NPHP1: variants seen among roughly 807,000 people sequenced by gnomAD.
NPHP1 encodes nephrocystin 1.
A neutral mutation model predicts 90.4 loss-of-function variants in NPHP1; 70 were observed. That is an observed-to-expected ratio of 0.77 (90% CI 0.64 to 0.95). NPHP1 has a LOEUF of 0.95. NPHP1 is among the 40% of genes least tolerant of loss of function. The probability of loss-of-function intolerance (pLI) is 0.00; values close to 1 mark genes in which losing one functional copy is unlikely to be tolerated. For synonymous variants in NPHP1, 256 were observed against 271.7 expected, an observed-to-expected ratio of 0.94 and a Z score of 0.57; for missense variants, 764 against 795.9, an observed-to-expected ratio of 0.96 and a Z score of 0.48.
chr2:110,196,635 C>T (rs1170375166), intron 2 of NPHP1, among the ~76,000 whole-genome samples: 1 of 152,098 alleles, frequency 6.6e-6, no homozygotes, highest in Non-Finnish European at 1.5e-5. Flanking sequence ...ACCATTTGAC[C>T]CAACTGTCCC....
At chr2:110,179,024 C>T (rs1292715690) in intron 3 of NPHP1, 2 of 158,518 alleles carry the variant, frequency 1.3e-5, no homozygotes, top group African/African-American at 4.8e-5. Flanking sequence ...CTTCAGTGAC[C>T]ACATATCTCA....
chr2:110,148,687 T>G (rs776331251), intron 12 of NPHP1, among the ~76,000 whole-genome samples: 9 of 152,166 alleles, frequency 5.9e-5, no homozygotes, highest in Non-Finnish European at 8.8e-5. Context: ...GTACTGTGCC[T>G]AGGTCTCCAG....
At chr2:110,188,415 C>G (rs1374330623) in intron 2 of NPHP1, among the ~76,000 whole-genome samples, 1 of 151,956 alleles carries the variant, frequency 6.6e-6, no homozygotes, top group African/African-American at 2.4e-5. Flanking sequence ...TTCACAACTG[C>G]TACAAAAAGA....
At chr2:110,136,740 T>C (rs1680230213) in intron 16 of NPHP1, among the ~76,000 whole-genome samples, 2 of 152,102 alleles carry the variant, frequency 1.3e-5, no homozygotes, top group Admixed American at 6.6e-5. Context: ...TGAAAATGGC[T>C]ATACCGCCCA....
rs1023737876 is a variant in NPHP1, at chr2:110,124,078, C to T, written c.1762-15G>A. 1.9e-6 allele frequency: 3 copies of T among 1,613,338 alleles called. No homozygotes were observed. The highest frequency in any genetic ancestry group is 2.7e-5 in the African/African-American group (2 of 74,900). Reference sequence around the variant, plus strand: ...TCTTTGTCTCTCTGGGAAAACACCACCCCCACAAATAACATTGTTATTTTT... The same window carrying T: ...TCTTTGTCTCTCTGGGAAAACACCATCCCCACAAATAACATTGTTATTTTT... On this transcript the variant is annotated splice_polypyrimidine_tract_variant and intron_variant, in intron 19 of 19. Coordinates refer to ENST00000445609, the MANE Select transcript of NPHP1 (RefSeq NM_001128178.3).
chr2:110,152,270 A>G (rs2104513221), intron 11 of NPHP1, among the ~76,000 whole-genome samples: 1 of 151,842 alleles, frequency 6.6e-6, no homozygotes, highest in South Asian at 2.1e-4. Flanking sequence ...CTTGGGCAGC[A>G]TAGTGAAACC....
chr2:110,196,695 C>G (rs1164439217), intron 2 of NPHP1, among the ~76,000 whole-genome samples: 1 of 152,088 alleles, frequency 6.6e-6, no homozygotes, highest in Non-Finnish European at 1.5e-5. Context: ...CTATAAAGAC[C>G]CATGCACACA....
chr2:110,148,815 G>C (rs1196491469), intron 12 of NPHP1, among the ~76,000 whole-genome samples: 3 of 152,132 alleles, frequency 2.0e-5, no homozygotes, highest in Non-Finnish European at 4.4e-5. Context: ...TTCCTAATGT[G>C]TGCCTTGTGA....
intron 2 of NPHP1, among the ~76,000 whole-genome samples, chr2:110,183,071 G>T (rs943035917): frequency 6.6e-6 from 1 of 152,126 alleles, no homozygotes; most frequent in African/African-American, 2.4e-5. Flanking sequence ...AATGGTAAAA[G>T]GTTCAATTCA....
rs193215998 is a variant in NPHP1, at chr2:110,193,126, A to G, written c.143+8295T>C. Reference sequence around the variant, plus strand: ...ATGAGCAAAATAACCAGCTAACATCATAATGACAGGATCAAATTCACACAT... The same window carrying G: ...ATGAGCAAAATAACCAGCTAACATCGTAATGACAGGATCAAATTCACACAT... On this transcript the variant is annotated intron_variant, in intron 2 of 19. Transcript: ENST00000445609. Among the ~76,000 whole-genome samples, 197 of 152,346 alleles carry G rather than the reference A, an allele frequency of 1.3e-3. 1 individual carries two copies. The highest frequency in any genetic ancestry group is 4.4e-3 in the South Asian group (21 of 4,826).
At chr2:110,169,594 A>T (rs1399269825) in intron 5 of NPHP1, among the ~76,000 whole-genome samples, 2 of 152,166 alleles carry the variant, frequency 1.3e-5, no homozygotes, top group Non-Finnish European at 2.9e-5. Context: ...TCTCAACATT[A>T]AAGCTACTTT....
chr2:110,188,224 T>C (rs962471470), intron 2 of NPHP1, among the ~76,000 whole-genome samples: 7 of 152,122 alleles, frequency 4.6e-5, no homozygotes, highest in African/African-American at 1.4e-4. Context: ...GGAACTCAAA[T>C]TATCCCTGTT....
rs781765193 is a variant in NPHP1 at position 110,165,179 on chromosome 2, G to A, written c.625-24C>T. ...GGCTAAAAAACCATTGAAATGTGAA[G>A]TGCTTTTTAACTAATGCAAAAAACA... On this transcript the variant is annotated intron_variant, in intron 6 of 19. Transcript: ENST00000445609. 1.8e-5 allele frequency: 28 copies of A among 1,575,970 alleles called. No homozygotes were observed. In the South Asian group the frequency reaches 2.3e-4, roughly 13 times the overall value.
At chr2:110,168,813 A>G (rs901970292) in intron 5 of NPHP1, among the ~76,000 whole-genome samples, 4 of 152,146 alleles carry the variant, frequency 2.6e-5, no homozygotes, top group African/African-American at 9.7e-5. Context: ...ATTTATGCAA[A>G]TGGGAACCAT....
intron 18 of NPHP1, chr2:110,128,687 T>C (rs999484409): frequency 2.4e-5 from 4 of 169,810 alleles, no homozygotes; most frequent in Admixed American, 5.7e-5. Flanking sequence ...GCAGCTCTTC[T>C]ACTTATTGAC....
At chr2:110,125,502 A>G in intron 19 of NPHP1, 135 bp downstream of exon 19, 1 of 1,149,358 alleles carries the variant, frequency 8.7e-7, no homozygotes, top group South Asian at 1.2e-5. Flanking sequence ...TTTTGCAGCC[A>G]TAATGAAACA....
At chr2:110,203,813 T>C (rs1009942563) in intron 1 of NPHP1, among the ~76,000 whole-genome samples, 20 of 152,058 alleles carry the variant, frequency 1.3e-4, no homozygotes, top group African/African-American at 4.6e-4. Flanking sequence ...AGTTTTTTTT[T>C]TTTTGAGACC....
At chr2:110,203,484 C>T (rs1267449579) in intron 1 of NPHP1, among the ~76,000 whole-genome samples, 2 of 152,102 alleles carry the variant, frequency 1.3e-5, no homozygotes, top group Non-Finnish European at 2.9e-5. Flanking sequence ...GTCAATGCCC[C>T]ATCAAGTTTT....
chr2:110,186,042 C>T (rs1378216340), intron 2 of NPHP1, among the ~76,000 whole-genome samples: 1 of 152,164 alleles, frequency 6.6e-6, no homozygotes, highest in Non-Finnish European at 1.5e-5. Flanking sequence ...TGCCCTGCCA[C>T]ACTAATGTTT....
Sources: gnomAD v4.1 joint callset for allele counts (sites outside exome capture counted in the v4.1 genomes callset) on GRCh38, gnomAD v4.1.1 for gene constraint, MANE v1.5 for transcripts, NCBI Gene and HGNC (gene_info 2026-07-23, HGNC 2026-07-21) for gene names.